SNX25: variants seen among roughly 807,000 people sequenced by gnomAD.
SNX25 encodes the protein sorting nexin 25, also known as sorting nexin-25.
SNX25 carries 62 observed loss-of-function variants against 113.7 expected under a neutral mutation model. The ratio of observed to expected loss-of-function variants is 0.55; its 90% confidence interval spans 0.44 to 0.67. SNX25 has a LOEUF of 0.67. Among genes scored for constraint, SNX25 ranks in the 30% least tolerant of loss-of-function variants. SNX25 has a pLI of 0.00. For missense variants in SNX25, 1,014 were observed against 1,161.0 expected (o/e 0.87, Z 1.84); for synonymous variants, 421 against 436.2 (o/e 0.97, Z 0.43).
At position 185,362,899 on chromosome 4, in the gene SNX25, A is replaced by G. The variant is rs1370598972; in HGVS notation, c.2934+188A>G. 8.2e-5 allele frequency among the ~76,000 whole-genome samples: 12 copies of G among 146,442 alleles called. No individual in the cohort carries two copies. The Admixed American group carries it at 8.3e-4, about 10-fold the overall frequency. On this transcript the variant is annotated intron_variant, in intron 18 of 18. Transcript: ENST00000652585. ...CTCTTGTCCCCCAGGCTGGAGTGCAATGGCACGATCTTGGCTCACTGCAAC... is the reference window on the plus strand; with the variant it reads ...CTCTTGTCCCCCAGGCTGGAGTGCAGTGGCACGATCTTGGCTCACTGCAAC...
In SNX25 at chr4:185,210,383, C is replaced by A. The variant is rs1355417090; in HGVS notation, c.429+128C>A. On this transcript the variant is annotated intron_variant, in intron 1 of 18. Coordinates refer to ENST00000652585, the MANE Select transcript of SNX25 (RefSeq NM_001378034.2). This position sits in a 1 kb window ranked among gnomAD's most constrained non-coding sequence, Gnocchi z 4.4. ...AAGCGGGAAGCCGGGAGCCAGGGGG[C>A]TGGGCTGCGGGCCCGGCCGTGGACG... The A allele has an allele frequency of 2.5e-5, 24 of 970,298 alleles. No homozygotes were observed. Among genetic ancestry groups the A allele is most frequent in the Non-Finnish European group, 2.8e-5 (23 of 816,492 alleles). The allele number at this position is 970,298 out of a possible 1,614,324, so 60.1% of individuals were successfully genotyped here.
At chr4:185,297,543 A>G (rs1752999643) in intron 6 of SNX25, among the ~76,000 whole-genome samples, 2 of 152,222 alleles carry the variant, frequency 1.3e-5, no homozygotes, top group African/African-American at 2.4e-5. Flanking sequence ...AGTGAATGGC[A>G]TCATCATCTG....
chr4:185,288,976 A>G (rs1041494134), intron 6 of SNX25, among the ~76,000 whole-genome samples: 2 of 152,216 alleles, frequency 1.3e-5, no homozygotes, highest in Admixed American at 1.3e-4. Context: ...ACATTAAAGC[A>G]TGCTTTCAGG....
At chr4:185,353,421 A>G in intron 14 of SNX25, 64 bp from the exon 15 acceptor site, 2 of 1,258,702 alleles carry the variant, frequency 1.6e-6, no homozygotes, top group Non-Finnish European at 2.3e-6. Context: ...TTGAAGAGGG[A>G]GAACAACTCT....
At chr4:185,377,072 CTT>C in the SNX25 span, 7 of 1,237,138 alleles carry the variant, frequency 5.7e-6, no homozygotes, top group African/African-American at 4.4e-5. Context: ...AATTTTCTCT[CTT>C]GAAGTAATGA....
intron 1 of SNX25, among the ~76,000 whole-genome samples, chr4:185,231,137 C>T (rs1225612200): frequency 2.0e-5 from 3 of 148,292 alleles, no homozygotes; most frequent in Non-Finnish European, 4.5e-5. Context: ...TTCGCTCTGT[C>T]GCCCAGGCTG....
chr4:185,338,040 A>G (rs1412371629), intron 10 of SNX25, among the ~76,000 whole-genome samples: 1 of 152,164 alleles, frequency 6.6e-6, no homozygotes, highest in African/African-American at 2.4e-5. Context: ...GTTGAGTTTT[A>G]GGAGTTTTCT....
chr4:185,310,690 G>A lies in SNX25; in HGVS notation c.1218G>A (p.Arg406=), dbSNP rs763912955. 4 of 1,614,058 alleles carry A rather than the reference G, an allele frequency of 2.5e-6. No homozygotes were observed. The South Asian group carries it at 3.3e-5, about 13-fold the overall frequency. Residue 406 remains arginine, a synonymous_variant, in exon 7 of 19, where the codon AGG becomes AGA. Coordinates refer to ENST00000652585, the MANE Select transcript of SNX25 (RefSeq NM_001378034.2). ...ADLLRARNMK[R]YINQLTVAKK... is the part of the protein sequence containing the mutation. The stretch of plus-strand genomic sequence containing the variant: ...TCCTGAGGGCCAGGAACATGAAGAG[G>A]TACATCAACCAACTGACTGTGGCAA...
intron 13 of SNX25, among the ~76,000 whole-genome samples, chr4:185,350,392 C>G (rs1309450451): frequency 6.6e-6 from 1 of 152,164 alleles, no homozygotes; most frequent in East Asian, 1.9e-4. Context: ...TATTCCTAAG[C>G]CCAGTGTCTT....
At chr4:185,246,945 T>C (rs13136424) in intron 1 of SNX25, among the ~76,000 whole-genome samples, 51,213 of 152,022 alleles carry the variant, frequency 0.34, 10,437 homozygotes, top group East Asian at 0.55. Context: ...ATTTGCTGAG[T>C]AGTGTGTGGT....
intron 1 of SNX25, among the ~76,000 whole-genome samples, chr4:185,244,337 A>G (rs1416128764): frequency 2.0e-5 from 3 of 152,184 alleles, no homozygotes; most frequent in Non-Finnish European, 2.9e-5. Context: ...TTATCATTTG[A>G]TCAGTATTGT....
downstream of SNX25, chr4:185,370,613 G>C (rs1179358605): frequency 4.4e-6 from 7 of 1,604,492 alleles, no homozygotes; most frequent in Non-Finnish European, 6.0e-6. Context: ...CTCTTTGGGT[G>C]AATTTATATT....
chr4:185,228,457 T>C (rs1040637151), intron 1 of SNX25, among the ~76,000 whole-genome samples: 7 of 152,194 alleles, frequency 4.6e-5, no homozygotes, highest in African/African-American at 1.7e-4. Flanking sequence ...CTGGATAGTC[T>C]CAAATATTTT....
chr4:185,222,952 A>G (rs182760199), intron 1 of SNX25, among the ~76,000 whole-genome samples: 2 of 152,348 alleles, frequency 1.3e-5, no homozygotes, highest in African/African-American at 4.8e-5. Context: ...AATAAATAAT[A>G]TAATGCTTTG....
intron 12 of SNX25, among the ~76,000 whole-genome samples, chr4:185,344,931 A>G (rs2095278202): frequency 6.6e-6 from 1 of 152,200 alleles, no homozygotes; most frequent in Admixed American, 6.5e-5. Flanking sequence ...TCAGTATAAC[A>G]ATGAATTTTC....
chr4:185,371,527 G>A (rs1432419158), downstream of SNX25, among the ~76,000 whole-genome samples: 1 of 124,610 alleles, frequency 8.0e-6, no homozygotes, highest in African/African-American at 3.1e-5. Context: ...GGGCAACAGA[G>A]CGAGACTCCG....
chr4:185,357,296 G>C (rs1358974942), intron 15 of SNX25, among the ~76,000 whole-genome samples: 1 of 152,204 alleles, frequency 6.6e-6, no homozygotes, highest in Admixed American at 6.5e-5. Flanking sequence ...TCAGCAGTGT[G>C]TTCAAAAAGT....
rs1049890515 is a variant in SNX25 at position 185,298,577 on chromosome 4, G to T, written c.1162+10495G>T. Among the ~76,000 whole-genome samples the T allele has an allele frequency of 2.0e-5, 3 of 151,914 alleles. No homozygotes were observed. In the South Asian group the frequency reaches 6.2e-4, roughly 31 times the overall value. On this transcript the variant is annotated intron_variant, in intron 6 of 18. Coordinates refer to ENST00000652585, the MANE Select transcript of SNX25 (RefSeq NM_001378034.2). ...GAAGACGCTTGACATGATCTACAAG[G>T]TCTTGCTTCCTCTGGTCACTGGCTG...
intron 6 of SNX25, among the ~76,000 whole-genome samples, chr4:185,303,973 T>C (rs1220618622): frequency 6.6e-6 from 1 of 152,176 alleles, no homozygotes; most frequent in Non-Finnish European, 1.5e-5. Flanking sequence ...GTTGAGGTGA[T>C]TTCTAGATAA....
Sources: gnomAD v4.1 joint callset for allele counts (sites outside exome capture counted in the v4.1 genomes callset) on GRCh38, gnomAD v4.1.1 for gene constraint, Gnocchi (gnomAD v3.1) non-coding constraint, MANE v1.5 for transcripts, NCBI Gene and HGNC (gene_info 2026-07-23, HGNC 2026-07-21) for gene names.